Variants in PHF24 observed in about 807,000 individuals in gnomAD.
The protein encoded by PHF24 is Galpha inhibitory interacting protein.
A neutral mutation model predicts 42.6 loss-of-function variants in PHF24; 25 were observed. That is an observed-to-expected ratio of 0.59 (90% CI 0.43 to 0.82). The LOEUF is 0.82. Ranked by LOEUF, PHF24 falls within the 40% of genes least tolerant of loss-of-function variation. PHF24 has a pLI of 0.00. For missense variants in PHF24, 470 were observed against 538.1 expected, an observed-to-expected ratio of 0.87 and a Z score of 1.25; for synonymous variants, 185 against 204.8, an observed-to-expected ratio of 0.90 and a Z score of 0.83.
At chr9:34,673,041 T>TA in the PHF24 span, among the ~76,000 whole-genome samples, 1 of 152,280 alleles carries the variant, frequency 6.6e-6, no homozygotes, top group African/African-American at 2.4e-5. Flanking sequence ...AACCTGTCTA[T>TA]GACAGGAATG....
chr9:34,775,012 A>C, the PHF24 span, among the ~76,000 whole-genome samples: 1 of 152,176 alleles, frequency 6.6e-6, no homozygotes, highest in South Asian at 2.1e-4. Context: ...TTCCTCAAAA[A>C]ATTAAAGGAT....
At chr9:34,837,050 A>G in the PHF24 span, 1 of 471,088 alleles carries the variant, frequency 2.1e-6, no homozygotes, top group Non-Finnish European at 4.4e-6. Context: ...AGAGACTGCA[A>G]ACAGCAATAG....
chr9:34,972,437 G>A, exon 3 of PHF24: 1 of 1,614,110 alleles, frequency 6.2e-7, no homozygotes, highest in South Asian at 1.1e-5. Flanking sequence ...TTCCATGATG[G>A]CTGCCTGCGC....
At chr9:34,958,226 G>GCGCGCGC (rs1554657768), upstream of PHF24, 2 of 150,272 alleles carry the variant, frequency 1.3e-5, no homozygotes, top group African/African-American at 5.1e-5. The surrounding 1 kb of genome is among the most constrained non-coding windows in gnomAD (Gnocchi z 4.5). Flanking sequence ...CCGGCCGCGC[G>GCGCGCGC]CGCCGCCGCC....
chr9:34,791,201 G>A, the PHF24 span, among the ~76,000 whole-genome samples: 1 of 152,212 alleles, frequency 6.6e-6, no homozygotes, highest in African/African-American at 2.4e-5. Flanking sequence ...AATTGCAGAA[G>A]GCTTGGACTA....
At chr9:34,764,011 C>G in the PHF24 span, among the ~76,000 whole-genome samples, 4 of 151,676 alleles carry the variant, frequency 2.6e-5, no homozygotes, top group Non-Finnish European at 4.4e-5. Context: ...TATTGATTTG[C>G]GTATATTGAA....
chr9:34,823,315 A>T, the PHF24 span, among the ~76,000 whole-genome samples: 1 of 151,666 alleles, frequency 6.6e-6, no homozygotes, highest in South Asian at 2.1e-4. Context: ...TAGGGGGAAC[A>T]TGGCAGGGAA....
At chr9:34,932,947 C>T in the PHF24 span, among the ~76,000 whole-genome samples, 1 of 151,314 alleles carries the variant, frequency 6.6e-6, no homozygotes, top group South Asian at 2.1e-4. Flanking sequence ...AATATGAGTC[C>T]CCTCCCCACA....
At chr9:34,775,576 A>G in the PHF24 span, among the ~76,000 whole-genome samples, 4 of 152,228 alleles carry the variant, frequency 2.6e-5, no homozygotes, top group East Asian at 7.7e-4. Context: ...AAAAATATAT[A>G]TGCAATTGGG....
chr9:34,784,078 G>A, the PHF24 span, among the ~76,000 whole-genome samples: 3 of 152,200 alleles, frequency 2.0e-5, no homozygotes, highest in Admixed American at 2.0e-4. Flanking sequence ...CAGTGCCAGA[G>A]TAGCTTCTGT....
At chr9:34,691,035 A>T in the PHF24 span, 11 of 1,455,748 alleles carry the variant, frequency 7.6e-6, no homozygotes, top group Non-Finnish European at 1.0e-5. Flanking sequence ...AGATCTAGAC[A>T]TTACCCACTG....
chr9:34,776,547 C>T, the PHF24 span, among the ~76,000 whole-genome samples: 1 of 152,096 alleles, frequency 6.6e-6, no homozygotes. Context: ...TGTTGGTTCT[C>T]GTTTATATTT....
chr9:34,697,853 G>A, the PHF24 span, among the ~76,000 whole-genome samples: 7 of 152,308 alleles, frequency 4.6e-5, no homozygotes, highest in Non-Finnish European at 5.9e-5. Flanking sequence ...CTAGACATGA[G>A]GTTGTGAGAT....
At chr9:34,875,773 G>T in the PHF24 span, among the ~76,000 whole-genome samples, 1 of 152,054 alleles carries the variant, frequency 6.6e-6, no homozygotes, top group Non-Finnish European at 1.5e-5. Flanking sequence ...GTGGGGACAT[G>T]CTTCCTCACC....
At chr9:34,706,722 C>T in the PHF24 span, among the ~76,000 whole-genome samples, 1 of 152,012 alleles carries the variant, frequency 6.6e-6, no homozygotes, top group Non-Finnish European at 1.5e-5. Context: ...GTTTTTTCTG[C>T]CTATGTTTTT....
At chr9:34,789,567 C>T in the PHF24 span, among the ~76,000 whole-genome samples, 1 of 152,104 alleles carries the variant, frequency 6.6e-6, no homozygotes, top group Non-Finnish European at 1.5e-5. Context: ...GGAGTTTGGT[C>T]TTCACACTGG....
At chr9:34,918,359 C>G in the PHF24 span, 9 of 728,382 alleles carry the variant, frequency 1.2e-5, no homozygotes, top group African/African-American at 5.2e-5. Context: ...ACTCTTCCCC[C>G]TCTCCCAGTT....
chr9:34,724,755 C>T, the PHF24 span: 6 of 1,551,680 alleles, frequency 3.9e-6, no homozygotes, highest in South Asian at 5.9e-5. Context: ...TCAAATGAAA[C>T]CATCTGAATC....
chr9:34,958,557 C>T lies in PHF24; in HGVS notation c.-5+156C>T, dbSNP rs1184935996. Among the ~76,000 whole-genome samples the T allele has an allele frequency of 6.6e-6, 1 of 152,154 alleles. No individual in the cohort carries two copies. Among genetic ancestry groups the T allele is most frequent in the African/African-American group, 2.4e-5 (1 of 41,438 alleles). On this transcript the variant is annotated intron_variant, in intron 1 of 7. Transcript: ENST00000242315. The surrounding 1 kb of genome is among the most constrained non-coding windows in gnomAD (Gnocchi z 4.5). ...GATGAACCCCAAGTAGCTGCTGCCT[C>T]TACGCCTTGGGGGAGTCCCTGAGGT...
Sources: allele counts gnomAD v4.1 joint callset (sites outside exome capture counted in the v4.1 genomes callset), GRCh38; gene constraint gnomAD v4.1.1; non-coding constraint Gnocchi (gnomAD v3.1); transcripts MANE v1.5; gene names NCBI Gene and HGNC (gene_info 2026-07-23, HGNC 2026-07-21).